Variants in VPS8 observed in about 807,000 individuals in gnomAD.
VPS8 encodes vacuolar protein sorting-associated protein 8 homolog.
Under a neutral mutation model 216.4 loss-of-function variants are expected in VPS8, and 129 were observed. That is an observed-to-expected ratio of 0.60 (90% CI 0.52 to 0.69). The LOEUF is 0.69. Ranked by LOEUF, VPS8 falls within the 30% of genes least tolerant of loss-of-function variation. The probability of loss-of-function intolerance (pLI) is 0.00; values close to 1 mark genes in which losing one functional copy is unlikely to be tolerated. For synonymous variants in VPS8, 571 were observed against 565.4 expected (o/e 1.01, Z -0.14); for missense variants, 1,531 against 1,683.5 (o/e 0.91, Z 1.59).
chr3:184,891,269 A>G (rs918599768), intron 22 of VPS8, among the ~76,000 whole-genome samples: 1 of 152,160 alleles, frequency 6.6e-6, no homozygotes, highest in Admixed American at 6.5e-5. Context: ...TTTCTGTTAA[A>G]TCCAAAGTGA....
chr3:185,017,100 C>T (rs906137523), intron 45 of VPS8, among the ~76,000 whole-genome samples: 2 of 152,006 alleles, frequency 1.3e-5, no homozygotes, highest in Admixed American at 1.3e-4. Context: ...AACTTGTGCT[C>T]CCCATTGTTG....
At position 184,956,270 on chromosome 3, in the gene VPS8, T is replaced by C. The variant is rs116436695; in HGVS notation, c.3036-1104T>C. Among the ~76,000 whole-genome samples the C allele has an allele frequency of 7.9e-3, 1,197 of 152,328 alleles. 19 individuals are homozygous for C. Among genetic ancestry groups the C allele is most frequent in the African/African-American group, 0.027 (1,143 of 41,574 alleles). ...TCCAGAGAGTCCCACCCTGTGGCTA[T>C]TGATGTACTGTACATGGTTACAAGT... On this transcript the variant is annotated intron_variant, in intron 36 of 47. Coordinates refer to ENST00000625842, the MANE Select transcript of VPS8 (RefSeq NM_001009921.3).
At chr3:184,836,308 CGT>C (rs747966801) in intron 5 of VPS8, 1 of 456,648 alleles carries the variant, frequency 2.2e-6, no homozygotes, top group South Asian at 1.5e-5. Context: ...ATTTCCATGA[CGT>C]TTTCTGAATT....
At chr3:184,868,817 T>C (rs1727828921) in intron 18 of VPS8, 129 bp from the exon 19 acceptor site, 2 of 709,822 alleles carry the variant, frequency 2.8e-6, no homozygotes, top group Admixed American at 2.8e-5. Context: ...AAACAAGATA[T>C]TCACATAATT....
At chr3:184,905,618 C>CTTTTT (rs59430187) in intron 25 of VPS8, among the ~76,000 whole-genome samples, 1 of 125,658 alleles carries the variant, frequency 8.0e-6, no homozygotes. Context: ...AAGCTCAGCT[C>CTTTTT]TTTTTTTTTT....
At chr3:184,898,329 A>G (rs1178299550) in intron 23 of VPS8, among the ~76,000 whole-genome samples, 2 of 152,202 alleles carry the variant, frequency 1.3e-5, no homozygotes, top group Non-Finnish European at 2.9e-5. Context: ...TAGAGAAGAA[A>G]CAAAATTAGA....
At chr3:184,902,416 C>T (rs1485372047) in intron 25 of VPS8, among the ~76,000 whole-genome samples, 2 of 151,540 alleles carry the variant, frequency 1.3e-5, no homozygotes, top group Non-Finnish European at 2.9e-5. Context: ...GCAGAGGTTG[C>T]AGTGAGCCAA....
At position 184,853,896 on chromosome 3, in the gene VPS8, G is replaced by T; in HGVS notation, c.861G>T (p.Leu287=). 1 of 1,600,264 alleles carries T rather than the reference G, an allele frequency of 6.2e-7. No individual in the cohort carries two copies. The highest frequency in any genetic ancestry group is 8.5e-7 in the Non-Finnish European group (1 of 1,172,922). ...TGAGAACCTGTGAATCTAGATGTCT[G>T]TTCAGTGGTTCCAAGGGTGAAGTCT... ...MGVRTCESRC[L]FSGSKGEVCC... is the part of the protein sequence containing the mutation. Residue 287 remains leucine (L), a synonymous_variant, in exon 12 of 48, where the codon CTG becomes CTT. Coordinates refer to ENST00000625842, the MANE Select transcript of VPS8 (RefSeq NM_001009921.3).
intron 46 of VPS8, among the ~76,000 whole-genome samples, chr3:185,039,496 T>TA (rs750946546): frequency 2.6e-5 from 4 of 151,482 alleles, no homozygotes; most frequent in Non-Finnish European, 4.4e-5. Context: ...GCTAGCCTGA[T>TA]ACGTTAGAAG....
chr3:185,050,652 C>T (rs1714016738), intron 47 of VPS8, among the ~76,000 whole-genome samples: 1 of 152,226 alleles, frequency 6.6e-6, no homozygotes, highest in Non-Finnish European at 1.5e-5. Context: ...AGAAATAACA[C>T]ACATGTCAAG....
chr3:184,976,000 A>T (rs1359018325), intron 40 of VPS8, among the ~76,000 whole-genome samples: 1 of 152,040 alleles, frequency 6.6e-6, no homozygotes, highest in Non-Finnish European at 1.5e-5. Flanking sequence ...CTCCTTCCTC[A>T]TTCCCCCTCT....
chr3:185,005,620 A>AT (rs1382577456), intron 45 of VPS8, among the ~76,000 whole-genome samples: 9 of 148,598 alleles, frequency 6.1e-5, no homozygotes, highest in Admixed American at 1.3e-4. Flanking sequence ...TAAGTATTTT[A>AT]TTTATTTTAT....
intron 46 of VPS8, among the ~76,000 whole-genome samples, chr3:185,041,555 C>G (rs1376482711): frequency 1.3e-5 from 2 of 152,150 alleles, no homozygotes; most frequent in Admixed American, 1.3e-4. Context: ...CCTTTCCCCT[C>G]CAACATGTTT....
intron 10 of VPS8, among the ~76,000 whole-genome samples, chr3:184,851,750 C>T (rs531811095): frequency 5.3e-5 from 8 of 152,092 alleles, no homozygotes; most frequent in Non-Finnish European, 1.2e-4. Context: ...CTCAGCCATC[C>T]CTGACTGGGA....
At chr3:184,904,124 A>G (rs1033504137) in intron 25 of VPS8, among the ~76,000 whole-genome samples, 2 of 152,108 alleles carry the variant, frequency 1.3e-5, no homozygotes, top group African/African-American at 4.8e-5. Flanking sequence ...ATTAGTGCTA[A>G]TTTTTAACTT....
chr3:185,026,846 C>T (rs1757439423), intron 46 of VPS8, among the ~76,000 whole-genome samples: 1 of 151,590 alleles, frequency 6.6e-6, no homozygotes, highest in East Asian at 1.9e-4. Flanking sequence ...GTACCTGGGA[C>T]TGCAGGTGCC....
chr3:184,941,998 A>G (rs1454155925), intron 36 of VPS8, among the ~76,000 whole-genome samples: 1 of 152,062 alleles, frequency 6.6e-6, no homozygotes, highest in Non-Finnish European at 1.5e-5. Flanking sequence ...ATCATATTTT[A>G]TCCTCTTACT....
Position 184,826,218 on chromosome 3 carries a change from G to A in VPS8, c.209G>A (p.Ser70Asn). Residue 70 changes from serine to asparagine, a missense_variant, in exon 3 of 48, where the codon AGC (serine) becomes AAC (asparagine). Around this residue, in one of 3 missense-constraint regions of VPS8, gnomAD observed 199 missense variants for 182.2 expected, o/e 1.09. Transcript: ENST00000625842. Reference protein sequence around the residue: ...PQVDTPPTLESILNETDDEDE... With the variant: ...PQVDTPPTLENILNETDDEDE... ...GTTGATACTCCTCCAACACTGGAAAGCATACTAAATGAGGTAAGTGAATAT... is the reference window on the plus strand; with the variant it reads ...GTTGATACTCCTCCAACACTGGAAAACATACTAAATGAGGTAAGTGAATAT... 6.2e-7 allele frequency: 1 copy of A among 1,610,436 alleles called. No individual in the cohort carries two copies. Among genetic ancestry groups the A allele is most frequent in the Non-Finnish European group, 8.5e-7 (1 of 1,177,932 alleles).
At chr3:184,965,964 A>G (rs1747337111) in intron 38 of VPS8, among the ~76,000 whole-genome samples, 1 of 152,188 alleles carries the variant, frequency 6.6e-6, no homozygotes, top group Non-Finnish European at 1.5e-5. Context: ...CCAGTATATT[A>G]CACCCCTTTT....
Sources: gnomAD v4.1 joint callset for allele counts (sites outside exome capture counted in the v4.1 genomes callset) on GRCh38, gnomAD v4.1.1 for gene constraint, gnomAD v4.1.1 regional missense constraint, MANE v1.5 for transcripts, NCBI Gene and HGNC (gene_info 2026-07-23, HGNC 2026-07-21) for gene names.